Variants in TTYH1 observed in about 807,000 individuals in gnomAD.
The protein encoded by TTYH1 is protein tweety homolog 1.
In TTYH1, 33 loss-of-function variants were observed where a neutral mutation model predicts 61.2. That is an observed-to-expected ratio of 0.54 (90% CI 0.41 to 0.72). The LOEUF (loss-of-function observed/expected upper bound fraction) is 0.72. Among genes scored for constraint, TTYH1 ranks in the 30% least tolerant of loss-of-function variants. The probability of loss-of-function intolerance (pLI) is 0.00; values close to 1 mark genes in which losing one functional copy is unlikely to be tolerated. For missense variants in TTYH1, 538 were observed against 575.8 expected, an observed-to-expected ratio of 0.93 and a Z score of 0.67; for synonymous variants, 308 against 266.4, an observed-to-expected ratio of 1.16 and a Z score of -1.52.
rs867574042 is a variant in TTYH1, at chr19:54,415,564, C to T, written c.12C>T (p.Pro4=). 1.4e-5 allele frequency: 21 copies of T among 1,483,978 alleles called. No individual in the cohort carries two copies. In the African/African-American group the frequency reaches 2.9e-4, roughly 21 times the overall value. The allele number at this position is 1,483,978 out of a possible 1,614,324, so 91.9% of individuals were successfully genotyped here. A position where few individuals can be genotyped will look rare whatever the true frequency, so the allele number is the denominator to read the frequency against. Residue 4 remains proline (P), a synonymous_variant, in exon 1 of 14, where the codon CCC becomes CCT. Coordinates refer to ENST00000376530, the MANE Select transcript of TTYH1 (RefSeq NM_020659.4). This position sits in a 1 kb window ranked among gnomAD's most constrained non-coding sequence, Gnocchi z 5.2. The part of the protein sequence containing the change: MGA[P]PGYRPSAWVH... ...CTCCCCCGGGGGCCATGGGGGCGCC[C>T]CCGGGCTACCGGCCCTCAGCTTGGG...
intron 10 of TTYH1, chr19:54,431,417 TCCC>T (rs998953093): frequency 1.5e-5 from 8 of 532,884 alleles, no homozygotes; most frequent in South Asian, 7.1e-5. Flanking sequence ...TCCCTCCCTT[TCCC>T]CCCAACTCCC....
At chr19:54,435,707 G>C in intron 11 of TTYH1, 23 bp downstream of exon 11, 2 of 1,609,274 alleles carry the variant, frequency 1.2e-6, no homozygotes, top group Non-Finnish European at 1.7e-6. Context: ...GGAGGGTAGG[G>C]TCCTGGGGAG....
At position 54,436,440 on chromosome 19, in the gene TTYH1, T is replaced by C. The variant is rs545686494; in HGVS notation, c.*150T>C. 12 of 1,550,582 alleles carry C rather than the reference T, an allele frequency of 7.7e-6. No homozygotes were observed. In the South Asian group the frequency reaches 1.3e-4, roughly 17 times the overall value. ...CTGCACAGGACCGCCTCCCTGCTCTTGGCCACTGTGCTCCCATTTCTGTCC... is the reference window on the plus strand; with the variant it reads ...CTGCACAGGACCGCCTCCCTGCTCTCGGCCACTGTGCTCCCATTTCTGTCC... On this transcript the variant is annotated 3_prime_UTR_variant, in exon 14 of 14. Transcript: ENST00000376530. The surrounding 1 kb of genome is among the most constrained non-coding windows in gnomAD (Gnocchi z 4.3).
intron 5 of TTYH1, among the ~76,000 whole-genome samples, chr19:54,427,334 G>A (rs2083342822): frequency 6.9e-6 from 1 of 145,836 alleles, no homozygotes; most frequent in African/African-American, 2.5e-5. Context: ...GGCTGGGCGT[G>A]GTGGCTCACG....
rs931079473 is a variant in TTYH1, at chr19:54,435,756, TG to T, written c.1269-67del. 695 of 1,611,512 alleles carry T rather than the reference TG, an allele frequency of 4.3e-4. 1 individual carries two copies. The highest frequency in any genetic ancestry group is 5.4e-4 in the Non-Finnish European group (635 of 1,179,014). ...CAGCACCTGGGGACCACGGTGGCAG[TG>T]GGGGTGGGGGGTGCAGCCTCCTGAT... is the stretch of plus-strand genomic sequence containing the variant. On this transcript the variant is annotated intron_variant, in intron 11 of 13. Transcript: ENST00000376530.
chr19:54,415,645 C>G lies in TTYH1; in HGVS notation c.93C>G (p.Ser31Arg), dbSNP rs748497492. 3 of 1,566,216 alleles carry G rather than the reference C, an allele frequency of 1.9e-6. No individual in the cohort carries two copies. The highest frequency in any genetic ancestry group is 2.4e-5 in the East Asian group (1 of 42,314). Residue 31 changes from serine (S) to arginine (R), a missense_variant, in exon 1 of 14, where the codon AGC becomes AGG. By Grantham distance (110) the Ser-to-Arg change is moderately radical (BLOSUM62 -1). Coordinates refer to ENST00000376530, the MANE Select transcript of TTYH1 (RefSeq NM_020659.4). The surrounding 1 kb of genome is among the most constrained non-coding windows in gnomAD (Gnocchi z 5.2). ...ACTTCCAGCTCCGCCCGGTGCCCAG[C>G]GTTTTCGCGCCCCAAGAGCAGGAAT... ...RADFQLRPVP[S>R]VFAPQEQEYQ...
chr19:54,417,661 C>T (rs1266578623), intron 1 of TTYH1, among the ~76,000 whole-genome samples: 3 of 150,718 alleles, frequency 2.0e-5, no homozygotes, highest in Non-Finnish European at 4.4e-5. Context: ...ATGCATGCAC[C>T]GTCACATACA....
chr19:54,415,930 C>A lies in TTYH1; in HGVS notation c.126+252C>A. The stretch of plus-strand genomic sequence containing the variant: ...GGCTGGGGACCTGCACCCCTGAGTT[C>A]ATGGAGAGGAGGGGAGGGGGGCCCG... On this transcript the variant is annotated intron_variant, in intron 1 of 13. Transcript: ENST00000376530. This position sits in a 1 kb window ranked among gnomAD's most constrained non-coding sequence, Gnocchi z 5.2. 3 of 908,158 alleles carry A rather than the reference C, an allele frequency of 3.3e-6. No individual in the cohort carries two copies. Among genetic ancestry groups the A allele is most frequent in the Non-Finnish European group, 4.9e-6 (3 of 606,762 alleles). The allele number at this position is 908,158 out of a possible 1,614,324, so 56.3% of individuals were successfully genotyped here. A position where few individuals can be genotyped will look rare whatever the true frequency, so the allele number is the denominator to read the frequency against.
intron 5 of TTYH1, 135 bp downstream of exon 5, chr19:54,426,903 A>C (rs1599902507): frequency 2.7e-6 from 2 of 753,980 alleles, no homozygotes; most frequent in East Asian, 5.4e-5. Context: ...AGAGAGTCAG[A>C]GCAGCCCAGG....
At chr19:54,427,622 A>AC (rs2083354069) in intron 5 of TTYH1, among the ~76,000 whole-genome samples, 264 of 151,660 alleles carry the variant, frequency 1.7e-3, no homozygotes, top group African/African-American at 5.7e-3. Context: ...CAACAACAAA[A>AC]AAAAAAAACA....
chr19:54,430,423 G>C, intron 7 of TTYH1, 127 bp from the exon 8 acceptor site: 2 of 1,014,398 alleles, frequency 2.0e-6, no homozygotes, highest in South Asian at 2.8e-5. Context: ...CTGAAGGTAA[G>C]GCCATCGGGC....
rs961401762 is a variant in TTYH1 at position 54,434,289 on chromosome 19, A to C, written c.1126-1253A>C. 6.6e-6 allele frequency: 1 copy of C among 152,346 alleles called. No individual in the cohort carries two copies. Among genetic ancestry groups the C allele is most frequent in the Non-Finnish European group, 1.5e-5 (1 of 68,202 alleles). 9.4% of individuals were successfully genotyped at this position (152,346 alleles called of 1,614,324 possible). On this transcript the variant is annotated intron_variant, in intron 10 of 13. Transcript: ENST00000376530. The surrounding 1 kb of genome is among the most constrained non-coding windows in gnomAD (Gnocchi z 4.3). Reference sequence around the variant, plus strand: ...ATCCTTTTAAAACACAATCCGATCAAGTTCTTCCTCTGCTTAAAACGCTCA... The same window carrying C: ...ATCCTTTTAAAACACAATCCGATCACGTTCTTCCTCTGCTTAAAACGCTCA...
intron 5 of TTYH1, among the ~76,000 whole-genome samples, chr19:54,427,618 C>CAACAA (rs1376863825): frequency 9.3e-5 from 13 of 140,194 alleles, no homozygotes; most frequent in African/African-American, 3.6e-4. Flanking sequence ...ACAACAACAA[C>CAACAA]AAAAAAAAAA....
At chr19:54,425,582 C>T (rs2083306357) in intron 4 of TTYH1, among the ~76,000 whole-genome samples, 1 of 152,208 alleles carries the variant, frequency 6.6e-6, no homozygotes, top group East Asian at 1.9e-4. Context: ...GATGCGGTCA[C>T]CTTCCCAGCT....
intron 10 of TTYH1, chr19:54,433,456 A>G (rs1013260635): frequency 1.3e-5 from 2 of 151,016 alleles, no homozygotes; most frequent in African/African-American, 4.9e-5. Flanking sequence ...GCTACTCAGG[A>G]GGCTGAGGCA....
intron 10 of TTYH1, 34 bp from the exon 11 acceptor site, chr19:54,435,507 TG>T: frequency 6.4e-7 from 1 of 1,553,106 alleles, no homozygotes; most frequent in East Asian, 2.3e-5. Context: ...GGGGAGGGGG[TG>T]GGGACGCATG....
At chr19:54,435,897 G>C (rs1244033248) in intron 12 of TTYH1, 24 bp downstream of exon 12, 20 of 1,612,404 alleles carry the variant, frequency 1.2e-5, no homozygotes, top group Non-Finnish European at 1.7e-5. Context: ...GGGTCTGAGG[G>C]AGGAGGGGCG....
intron 5 of TTYH1, among the ~76,000 whole-genome samples, chr19:54,428,332 G>T (rs1393468336): frequency 2.6e-5 from 4 of 151,570 alleles, no homozygotes; most frequent in Non-Finnish European, 5.9e-5. Context: ...AAGGTGATCC[G>T]CCCGCCTCAG....
At position 54,426,851 on chromosome 19, in the gene TTYH1, C is replaced by T. The variant is rs188930756; in HGVS notation, c.734+83C>T. The T allele has an allele frequency of 2.0e-5, 25 of 1,271,398 alleles. No homozygotes were observed. The African/African-American group carries it at 2.3e-4, about 12-fold the overall frequency. The allele number at this position is 1,271,398 out of a possible 1,614,324, so 78.8% of individuals were successfully genotyped here. A position where few individuals can be genotyped will look rare whatever the true frequency, so the allele number is the denominator to read the frequency against. On this transcript the variant is annotated intron_variant, in intron 5 of 13. Coordinates refer to ENST00000376530, the MANE Select transcript of TTYH1 (RefSeq NM_020659.4). ...ACCTCAGTCTTACAACTCTCCTACA[C>T]GGAGGACCGTGGTCCTTCACGGCCG...
Sources: allele counts gnomAD v4.1 joint callset (sites outside exome capture counted in the v4.1 genomes callset), GRCh38; gene constraint gnomAD v4.1.1; non-coding constraint Gnocchi (gnomAD v3.1); transcripts MANE v1.5; gene names NCBI Gene and HGNC (gene_info 2026-07-23, HGNC 2026-07-21).